The following AIFM1 variants were observed in gnomAD, a reference collection of about 807,000 sequenced individuals.
AIFM1 encodes the protein apoptosis inducing factor mitochondria associated 1, also known as apoptosis-inducing factor 1, mitochondrial.
In AIFM1, 3 loss-of-function variants were observed where a neutral mutation model predicts 51.7. The observed-to-expected ratio is 0.06, with a 90% CI of 0.03 to 0.15. AIFM1 has a LOEUF of 0.15. AIFM1 is among the 10% of genes least tolerant of loss of function. The pLI is 1.00. For synonymous variants in AIFM1, 178 were observed against 179.4 expected (o/e 0.99, Z 0.06); for missense variants, 330 against 476.8 (o/e 0.69, Z 2.87).
intron 1 of AIFM1, among the ~76,000 whole-genome samples, chrX:130,163,550 C>T (rs2031423677): frequency 8.9e-6 from 1 of 111,762 alleles, no homozygotes. Flanking sequence ...TGATGTCATA[C>T]TTTGGTGCAC....
At position 130,129,640 on chromosome X, in the gene AIFM1, A is replaced by G. The variant is rs2029976144; in HGVS notation, c.1771-12T>C. 5.0e-6 allele frequency: 6 copies of G among 1,201,422 alleles called. No homozygotes were observed. Among genetic ancestry groups the G allele is most frequent in the Non-Finnish European group, 6.8e-6 (6 of 886,449 alleles). On this transcript the variant is annotated splice_polypyrimidine_tract_variant and intron_variant, in intron 15 of 15. Transcript: ENST00000287295. ...CCGTCCTTAATGATCTGAGGGAGAG[A>G]GAGTAACAATAGGTCCCTAACTTAC... is the stretch of plus-strand genomic sequence containing the variant.
chrX:130,137,058 T>C lies in AIFM1; in HGVS notation c.1075+20A>G, dbSNP rs373642288. The stretch of plus-strand genomic sequence containing the variant: ...ACTCAAAGGAAATAGAGTGGCAGCA[T>C]ATAGAAACAGTCTCTCTACCTCGTC... On this transcript the variant is annotated intron_variant, in intron 10 of 15. Transcript: ENST00000287295. The C allele has an allele frequency of 6.0e-5, 73 of 1,209,097 alleles. No homozygotes were observed. In the African/African-American group the frequency reaches 1.2e-3, roughly 20 times the overall value.
chrX:130,135,591 T>C (rs2030301938), intron 12 of AIFM1, among the ~76,000 whole-genome samples: 1 of 110,853 alleles, frequency 9.0e-6, no homozygotes, highest in South Asian at 3.8e-4. Context: ...TAGTCTTGTT[T>C]ATGTCATAAT....
At chrX:130,152,029 ACT>A (rs988672390) in intron 2 of AIFM1, among the ~76,000 whole-genome samples, 4 of 109,522 alleles carry the variant, frequency 3.7e-5, no homozygotes, top group African/African-American at 1.3e-4. Context: ...ACAGAGCGAG[ACT>A]CTGTCTCAAA....
At chrX:130,149,395 T>C in intron 3 of AIFM1, 74 bp downstream of exon 3, 12 of 888,398 alleles carry the variant, frequency 1.4e-5, no homozygotes, top group Non-Finnish European at 2.0e-5. Flanking sequence ...CATCCATAAA[T>C]CACAGCACCC....
At chrX:130,163,575 G>T (rs2031424795) in intron 1 of AIFM1, among the ~76,000 whole-genome samples, 1 of 111,766 alleles carries the variant, frequency 8.9e-6, no homozygotes, top group African/African-American at 3.3e-5. Flanking sequence ...AAAGGACAAA[G>T]AACAAGTGTA....
rs768648610 is a variant in AIFM1 at position 130,129,605 on chromosome X, A to G, written c.1794T>C (p.His598=). 6.6e-6 allele frequency: 8 copies of G among 1,208,246 alleles called. No individual in the cohort carries two copies. The East Asian group carries it at 1.8e-4, about 27-fold the overall frequency. The change falls in exon 16 of 16, where the codon CAT becomes CAC. Residue 598 remains histidine (H), a synonymous_variant. Coordinates refer to ENST00000287295, the MANE Select transcript of AIFM1 (RefSeq NM_004208.4). ...ARKIIKDGEQ[H]EDLNEVAKLF... Reference sequence around the variant, plus strand: ...GTTTGGCTACTTCATTGAGATCTTCATGCTGCTCACCGTCCTTAATGATCT... The same window carrying G: ...GTTTGGCTACTTCATTGAGATCTTCGTGCTGCTCACCGTCCTTAATGATCT...
chrX:130,154,513 A>T (rs2031101194), intron 2 of AIFM1, among the ~76,000 whole-genome samples: 2 of 112,649 alleles, frequency 1.8e-5, no homozygotes, highest in South Asian at 7.2e-4. Context: ...CATTACAGAA[A>T]GCAATCTACA....
chrX:130,147,741 A>G lies in AIFM1; in HGVS notation c.474+11T>C. On this transcript the variant is annotated intron_variant, in intron 4 of 15. Transcript: ENST00000287295. ...TACCCTCTGTGCCAAGCAAAAAAACATGCACCTTACCCTGGCCCCAGGATC... is the reference window on the plus strand; with the variant it reads ...TACCCTCTGTGCCAAGCAAAAAAACGTGCACCTTACCCTGGCCCCAGGATC... 1 of 1,211,916 alleles carries G rather than the reference A, an allele frequency of 8.3e-7. No homozygotes were observed. Among genetic ancestry groups the G allele is most frequent in the Non-Finnish European group, 1.1e-6 (1 of 895,603 alleles).
chrX:130,146,922 G>A (rs1442718141), intron 5 of AIFM1, among the ~76,000 whole-genome samples: 1 of 112,418 alleles, frequency 8.9e-6, no homozygotes, highest in African/African-American at 3.2e-5. Flanking sequence ...AGCAATTTGG[G>A]AGGCCGAGGA....
At position 130,138,585 on chromosome X, in the gene AIFM1, A is replaced by T. The variant is rs1467012592; in HGVS notation, c.967+8T>A. On this transcript the variant is annotated splice_region_variant and intron_variant, in intron 9 of 15. Coordinates refer to ENST00000287295, the MANE Select transcript of AIFM1 (RefSeq NM_004208.4). Reference sequence around the variant, plus strand: ...GAAAGAAAATCAAGGTCACTCCTCAATACTCACCCTTTCTGCCAAGAGCAC... The same window carrying T: ...GAAAGAAAATCAAGGTCACTCCTCATTACTCACCCTTTCTGCCAAGAGCAC... 1 of 1,178,554 alleles carries T rather than the reference A, an allele frequency of 8.5e-7. No homozygotes were observed. The highest frequency in any genetic ancestry group is 1.2e-6 in the Non-Finnish European group (1 of 865,264).
intron 12 of AIFM1, 149 bp downstream of exon 12, chrX:130,135,896 G>A: frequency 1.3e-6 from 1 of 770,325 alleles, no homozygotes; most frequent in Non-Finnish European, 2.0e-6. Flanking sequence ...GAATCAAGCA[G>A]TTCACACATT....
At chrX:130,157,324 T>C (rs1401424514) in intron 1 of AIFM1, among the ~76,000 whole-genome samples, 1 of 112,495 alleles carries the variant, frequency 8.9e-6, no homozygotes, top group Non-Finnish European at 1.9e-5. Context: ...CACCTGTACA[T>C]AGAAATATAA....
At chrX:130,157,615 G>A (rs1424526742) in intron 1 of AIFM1, among the ~76,000 whole-genome samples, 2 of 112,147 alleles carry the variant, frequency 1.8e-5, no homozygotes, top group Non-Finnish European at 3.8e-5. Context: ...TATGGACACT[G>A]AAGTTTAAAT....
intron 1 of AIFM1, among the ~76,000 whole-genome samples, chrX:130,161,979 G>C (rs971885621): frequency 1.8e-5 from 2 of 111,885 alleles, no homozygotes; most frequent in African/African-American, 6.5e-5. Context: ...AATAACTATA[G>C]TACAGCGTGA....
chrX:130,130,282 T>C (rs1400475345), intron 14 of AIFM1, 116 bp from the exon 15 acceptor site: 12 of 845,826 alleles, frequency 1.4e-5, no homozygotes, highest in South Asian at 1.3e-4. Context: ...AAGCTACTTC[T>C]AGAGGATTTA....
intron 6 of AIFM1, 77 bp downstream of exon 6, chrX:130,145,402 A>T: frequency 1.3e-6 from 1 of 762,495 alleles, no homozygotes; most frequent in Non-Finnish European, 2.0e-6. Flanking sequence ...CATAAATGGT[A>T]ATGGAAACAC....
At chrX:130,152,581 C>A (rs2124670134) in intron 2 of AIFM1, among the ~76,000 whole-genome samples, 1 of 111,734 alleles carries the variant, frequency 8.9e-6, no homozygotes, top group African/African-American at 3.2e-5. Context: ...TGAGGCAATG[C>A]AATCCTATAG....
chrX:130,136,435 T>C lies in AIFM1; in HGVS notation c.1164+208A>G, dbSNP rs779475231. ...TCAAAACTCTGTGAGACAGATAGAATGGGGCTAAGGGAAAGTGGTTCACAG... is the reference window on the plus strand; with the variant it reads ...TCAAAACTCTGTGAGACAGATAGAACGGGGCTAAGGGAAAGTGGTTCACAG... On this transcript the variant is annotated intron_variant, in intron 11 of 15. Transcript: ENST00000287295. Among the ~76,000 whole-genome samples the C allele has an allele frequency of 8.9e-5, 10 of 112,296 alleles. No homozygotes were observed. In the South Asian group the frequency reaches 3.7e-3, roughly 41 times the overall value.
Sources: gnomAD v4.1 joint callset for allele counts (sites outside exome capture counted in the v4.1 genomes callset) on GRCh38, gnomAD v4.1.1 for gene constraint, MANE v1.5 for transcripts, NCBI Gene and HGNC (gene_info 2026-07-23, HGNC 2026-07-21) for gene names.